RPS6KA2: variants seen among roughly 807,000 people sequenced by gnomAD.
The protein encoded by RPS6KA2 is ribosomal protein S6 kinase A2.
A neutral mutation model predicts 91.8 loss-of-function variants in RPS6KA2; 42 were observed. The observed-to-expected ratio is 0.46, with a 90% CI of 0.36 to 0.59. The LOEUF (loss-of-function observed/expected upper bound fraction) is 0.59, where lower values mean the gene tolerates loss of function less well. Among genes scored for constraint, RPS6KA2 ranks in the 20% least tolerant of loss-of-function variants. The pLI is 0.00. For synonymous variants in RPS6KA2, 414 were observed against 393.6 expected, an observed-to-expected ratio of 1.05 and a Z score of -0.61; for missense variants, 798 against 978.5, an observed-to-expected ratio of 0.82 and a Z score of 2.46.
At chr6:166,753,056 A>C (rs1200216915) in intron 2 of RPS6KA2, among the ~76,000 whole-genome samples, 4 of 152,230 alleles carry the variant, frequency 2.6e-5, no homozygotes, top group Non-Finnish European at 5.9e-5. Context: ...TGGGGCATTA[A>C]AAACAAACTC....
rs373840353 is a variant in RPS6KA2, at chr6:166,439,253, A to C, written c.1333-6763T>G. Among the ~76,000 whole-genome samples the C allele has an allele frequency of 3.0e-4, 46 of 152,282 alleles. No individual in the cohort carries two copies. In the East Asian group the frequency reaches 8.7e-3, roughly 29 times the overall value. On this transcript the variant is annotated intron_variant, in intron 14 of 20. Coordinates refer to ENST00000265678, the MANE Select transcript of RPS6KA2 (RefSeq NM_021135.6). Reference sequence around the variant, plus strand: ...CTCCTGAGTAGTTCGGATTACAGGCACGCGCCACCATGCCTGGCTAATTTT... The same window carrying C: ...CTCCTGAGTAGTTCGGATTACAGGCCCGCGCCACCATGCCTGGCTAATTTT...
At chr6:166,758,313 T>C (rs768815733) in intron 2 of RPS6KA2, among the ~76,000 whole-genome samples, 1 of 152,230 alleles carries the variant, frequency 6.6e-6, no homozygotes, top group Non-Finnish European at 1.5e-5. Flanking sequence ...TGCACATGCA[T>C]GCACGTTCTC....
chr6:166,730,502 C>A (rs539770544), intron 2 of RPS6KA2, among the ~76,000 whole-genome samples: 7 of 152,290 alleles, frequency 4.6e-5, no homozygotes, highest in African/African-American at 1.4e-4. Context: ...ATGACACTGT[C>A]ATTCATAATT....
intron 1 of RPS6KA2, among the ~76,000 whole-genome samples, chr6:166,580,510 T>C (rs1195531698): frequency 6.6e-6 from 1 of 152,262 alleles, no homozygotes; most frequent in Non-Finnish European, 1.5e-5. Flanking sequence ...ATAAACCTCA[T>C]AATGTTTTAA....
At chr6:166,750,451 C>T (rs756931066) in intron 2 of RPS6KA2, among the ~76,000 whole-genome samples, 2 of 152,240 alleles carry the variant, frequency 1.3e-5, no homozygotes, top group South Asian at 2.1e-4. Flanking sequence ...CTCAGACACA[C>T]GCCTTTCCGG....
chr6:166,701,717 C>G, intron 2 of RPS6KA2: 1 of 1,311,628 alleles, frequency 7.6e-7, no homozygotes, highest in South Asian at 1.2e-5. Context: ...AGACCCAAGG[C>G]GTTCAGATTT....
chr6:166,420,109 A>T, intron 17 of RPS6KA2, 151 bp from the exon 18 acceptor site: 1 of 677,898 alleles, frequency 1.5e-6, no homozygotes, highest in Non-Finnish European at 2.6e-6. Flanking sequence ...TCTTAAGGCA[A>T]AGCCAACCCT....
At chr6:166,837,220 G>A (rs1023069742) in intron 2 of RPS6KA2, among the ~76,000 whole-genome samples, 14 of 152,148 alleles carry the variant, frequency 9.2e-5, no homozygotes, top group Admixed American at 2.6e-4. Flanking sequence ...TCTGGGGTGG[G>A]AGGGCGCCCT....
At chr6:166,773,553 C>G (rs1346809513) in intron 2 of RPS6KA2, among the ~76,000 whole-genome samples, 1 of 152,050 alleles carries the variant, frequency 6.6e-6, no homozygotes, top group African/African-American at 2.4e-5. Context: ...AGGCGCCCAC[C>G]ACCACACCCA....
rs1162879630 is a variant in RPS6KA2, at chr6:166,412,109, C to G, written c.*653G>C. On this transcript the variant is annotated 3_prime_UTR_variant, in exon 21 of 21. Coordinates refer to ENST00000265678, the MANE Select transcript of RPS6KA2 (RefSeq NM_021135.6). The surrounding 1 kb of genome is among the most constrained non-coding windows in gnomAD (Gnocchi z 4.3). ...GCAAAGATCCAGCCTGCCTTCCTCTCGTCTGGGCTCTTACTCCTCATTTGA... is the reference window on the plus strand; with the variant it reads ...GCAAAGATCCAGCCTGCCTTCCTCTGGTCTGGGCTCTTACTCCTCATTTGA... The G allele has an allele frequency of 6.6e-6, 1 of 152,572 alleles. No homozygotes were observed. Among genetic ancestry groups the G allele is most frequent in the East Asian group, 1.9e-4 (1 of 5,192 alleles). The allele number at this position is 152,572 out of a possible 1,614,324, so 9.5% of individuals were successfully genotyped here. A position where few individuals can be genotyped will look rare whatever the true frequency, so the allele number is the denominator to read the frequency against.
intron 1 of RPS6KA2, among the ~76,000 whole-genome samples, chr6:166,614,973 T>C (rs1786350496): frequency 6.6e-6 from 1 of 152,174 alleles, no homozygotes; most frequent in Non-Finnish European, 1.5e-5. Context: ...GCTTAGGCTG[T>C]GGCTTTCTCG....
chr6:166,443,961 C>T (rs921365102), intron 14 of RPS6KA2, among the ~76,000 whole-genome samples: 1 of 152,076 alleles, frequency 6.6e-6, no homozygotes, highest in African/African-American at 2.4e-5. Flanking sequence ...AATCTGCATA[C>T]GTGGATCCTC....
intron 3 of RPS6KA2, among the ~76,000 whole-genome samples, chr6:166,523,396 G>T (rs1469878518): frequency 2.0e-5 from 3 of 152,150 alleles, no homozygotes; most frequent in African/African-American, 7.2e-5. Context: ...GAAATGCAGG[G>T]AGTCTGTCAT....
intron 14 of RPS6KA2, among the ~76,000 whole-genome samples, chr6:166,442,915 G>A (rs1436414298): frequency 6.6e-6 from 1 of 152,036 alleles, no homozygotes. Context: ...GAACAACATG[G>A]GGGTTAGAGG....
intron 5 of RPS6KA2, among the ~76,000 whole-genome samples, chr6:166,507,259 A>G (rs2128481036): frequency 6.6e-6 from 1 of 152,158 alleles, no homozygotes; most frequent in Admixed American, 6.5e-5. Flanking sequence ...CAACAGCGTG[A>G]CTTATGGTCC....
chr6:166,858,003 G>C (rs1304587396), intron 2 of RPS6KA2: 2 of 539,860 alleles, frequency 3.7e-6, no homozygotes, highest in Admixed American at 7.4e-5. Context: ...TTTTGAGGGA[G>C]ATTACCGAAT....
chr6:166,789,782 A>G (rs1193910901), intron 2 of RPS6KA2, among the ~76,000 whole-genome samples: 1 of 152,226 alleles, frequency 6.6e-6, no homozygotes, highest in Non-Finnish European at 1.5e-5. Flanking sequence ...GCAAAGTCCA[A>G]CAGACCTTCA....
At position 166,726,082 on chromosome 6, in the gene RPS6KA2, G is replaced by A. The variant is rs1189172951; in HGVS notation, c.123+132118C>T. On this transcript the variant is annotated intron_variant, in intron 2 of 21. Transcript: ENST00000503859. This position sits in a 1 kb window ranked among gnomAD's most constrained non-coding sequence, Gnocchi z 4.4. ...AACCTTTATGATTCTGTGAAAACAC[G>A]TGGCTTTTAGGTCCTACAGAAATGC... is the stretch of plus-strand genomic sequence containing the variant. 6.6e-6 allele frequency among the ~76,000 whole-genome samples: 1 copy of A among 152,108 alleles called. No homozygotes were observed. Among genetic ancestry groups the A allele is most frequent in the Non-Finnish European group, 1.5e-5 (1 of 68,018 alleles).
At chr6:166,597,040 A>G (rs761967669) in intron 1 of RPS6KA2, among the ~76,000 whole-genome samples, 5 of 152,208 alleles carry the variant, frequency 3.3e-5, no homozygotes, top group Non-Finnish European at 7.3e-5. Context: ...TCATGGGAAC[A>G]GATGGAGAAA....
Sources: allele counts gnomAD v4.1 joint callset (sites outside exome capture counted in the v4.1 genomes callset), GRCh38; gene constraint gnomAD v4.1.1; non-coding constraint Gnocchi (gnomAD v3.1); transcripts MANE v1.5; gene names NCBI Gene and HGNC (gene_info 2026-07-23, HGNC 2026-07-21).